Variants in TNK1 observed in about 807,000 individuals in gnomAD.
TNK1 encodes the protein non-receptor tyrosine-protein kinase TNK1.
A neutral mutation model predicts 65.2 loss-of-function variants in TNK1; 53 were observed. The observed-to-expected ratio is 0.81, with a 90% CI of 0.65 to 1.02. The LOEUF is 1.02. Ranked by LOEUF, TNK1 falls within the 50% of genes least tolerant of loss-of-function variation. The pLI, the probability that TNK1 is intolerant of heterozygous loss-of-function variation, is 0.00. For missense variants in TNK1, 837 were observed against 878.4 expected (o/e 0.95, Z 0.60); for synonymous variants, 353 against 364.6 (o/e 0.97, Z 0.36).
In TNK1 at chr17:7,383,213, C is replaced by T. The variant is rs745859668; in HGVS notation, c.164-37C>T. ...AGTCTCTCCGCACTCTTCCCCACACCCACCTCCACTCCAGCCCTGATTCTG... is the reference window on the plus strand; with the variant it reads ...AGTCTCTCCGCACTCTTCCCCACACTCACCTCCACTCCAGCCCTGATTCTG... On this transcript the variant is annotated intron_variant, in intron 2 of 12. Transcript: ENST00000688331. 6.8e-6 allele frequency: 11 copies of T among 1,613,676 alleles called. No individual in the cohort carries two copies. In the East Asian group the frequency reaches 2.0e-4, roughly 29 times the overall value.
chr17:7,384,779 TAC>T (rs1905088496), intron 7 of TNK1, 25 bp downstream of exon 7: 1 of 1,556,652 alleles, frequency 6.4e-7, no homozygotes, highest in African/African-American at 1.4e-5. Flanking sequence ...CCTCACCAGA[TAC>T]ACAGTCCCTC....
chr17:7,380,546 T>A (rs1904753526), upstream of TNK1: 1 of 152,268 alleles, frequency 6.6e-6, no homozygotes, highest in Non-Finnish European at 1.5e-5. Context: ...CAGCTTCAAC[T>A]GTAGACTCTG....
At chr17:7,386,780 A>G in intron 8 of TNK1, 125 bp downstream of exon 8, 1 of 1,087,760 alleles carries the variant, frequency 9.2e-7, no homozygotes, top group Non-Finnish European at 1.3e-6. Context: ...TCCTCTCCCC[A>G]CTGGGTCCTG....
Position 7,383,995 on chromosome 17 carries a change from C to A in TNK1, c.608C>A (p.Ser203Tyr). The A allele has an allele frequency of 6.7e-7, 1 of 1,496,612 alleles. No individual in the cohort carries two copies. 92.7% of individuals were successfully genotyped at this position (1,496,612 alleles called of 1,614,324 possible). A position where few individuals can be genotyped will look rare whatever the true frequency, so the allele number is the denominator to read the frequency against. The part of the protein sequence containing the change: ...QMVMELAPLG[S>Y]LHARLTAPAP... ...GTGATGGAGCTGGCGCCACTGGGCTCCCTGCACGCGCGCCTAACGGCCCCG... is the reference window on the plus strand; with the variant it reads ...GTGATGGAGCTGGCGCCACTGGGCTACCTGCACGCGCGCCTAACGGCCCCG... Residue 203 changes from serine to tyrosine, a missense_variant, in exon 6 of 13, where the codon TCC (serine) becomes TAC (tyrosine). Physicochemically the swap from Ser to Tyr is moderately radical, Grantham distance 144 (BLOSUM62 -2). Transcript: ENST00000688331.
At chr17:7,386,434 A>G in intron 7 of TNK1, 127 bp from the exon 8 acceptor site, 1 of 678,092 alleles carries the variant, frequency 1.5e-6, no homozygotes, top group Non-Finnish European at 2.6e-6. Flanking sequence ...ATGGGGGGAC[A>G]GGGAGAGTCC....
chr17:7,389,052 G>T lies in TNK1; in HGVS notation c.1954G>T (p.Ala652Ser). The change falls in exon 13 of 13, where the codon GCT (alanine) becomes TCT (serine). Residue 652 changes from alanine to serine, a missense_variant. Transcript: ENST00000688331. The part of the protein sequence containing the change: ...ILEHYQWDLS[A>S]ASRYVLARP Reference sequence around the variant, plus strand: ...GGAGCATTACCAGTGGGACCTCTCAGCTGCCAGCCGCTATGTCCTGGCCAG... The same window carrying T: ...GGAGCATTACCAGTGGGACCTCTCATCTGCCAGCCGCTATGTCCTGGCCAG... 6.4e-7 allele frequency: 1 copy of T among 1,553,794 alleles called. No individual in the cohort carries two copies. Among genetic ancestry groups the T allele is most frequent in the South Asian group, 1.2e-5 (1 of 84,250 alleles).
rs746164955 is a variant in TNK1, at chr17:7,383,510, T to A, written c.320T>A (p.Leu107His). 1.9e-6 allele frequency: 3 copies of A among 1,613,836 alleles called. No individual in the cohort carries two copies. The highest frequency in any genetic ancestry group is 2.5e-6 in the Non-Finnish European group (3 of 1,179,876). Residue 107 changes from leucine (L) to histidine (H), a missense_variant, in exon 4 of 13, where the codon CTC (leucine) becomes CAC (histidine). Physicochemically the swap from Leu to His is moderately conservative, Grantham distance 99. Coordinates refer to ENST00000688331, the MANE Select transcript of TNK1 (RefSeq NM_003985.6). The part of the protein sequence containing the change: ...PRHLPEPEGG[L>H]KCLIPEGAVC... ...CACCTCCCTGAGCCAGAGGGGGGCC[T>A]CAAGTGTCTGATCCCAGAGGGTGCT...
chr17:7,383,661 C>G, intron 4 of TNK1, 45 bp downstream of exon 4: 1 of 1,599,976 alleles, frequency 6.3e-7, no homozygotes, highest in East Asian at 2.2e-5. Context: ...GCTGCCCCCT[C>G]TGTTCTTCAT....
At position 7,382,005 on chromosome 17, in the gene TNK1, C is replaced by T. The variant is rs564589197; in HGVS notation, c.-91-831C>T. Among the ~76,000 whole-genome samples, 3 of 152,352 alleles carry T rather than the reference C, an allele frequency of 2.0e-5. No individual in the cohort carries two copies. In the South Asian group the frequency reaches 6.2e-4, roughly 32 times the overall value. ...TATATCGGCCGGGCGCAGTGGCTCA[C>T]GCCTGTAATCCCAGCACTTTGGGTG... On this transcript the variant is annotated intron_variant, in intron 1 of 12. Coordinates refer to ENST00000688331, the MANE Select transcript of TNK1 (RefSeq NM_003985.6). This position sits in a 1 kb window ranked among gnomAD's most constrained non-coding sequence, Gnocchi z 4.1.
In TNK1 at chr17:7,384,256, G is replaced by GA; in HGVS notation, c.866+4dup. 1 of 1,459,948 alleles carries GA rather than the reference G, an allele frequency of 6.8e-7. No homozygotes were observed. The highest frequency in any genetic ancestry group is 9.0e-7 in the Non-Finnish European group (1 of 1,113,664). 90.4% of individuals were successfully genotyped at this position (1,459,948 alleles called of 1,614,324 possible). A position where few individuals can be genotyped will look rare whatever the true frequency, so the allele number is the denominator to read the frequency against. ...CCCCGCCCTATCCCCTACGCCTGGT[G>GA]AGAGCGGGTCCGCGGGCGGTCGGGC... On this transcript the variant is annotated splice_donor_region_variant and intron_variant, in intron 6 of 12. Coordinates refer to ENST00000688331, the MANE Select transcript of TNK1 (RefSeq NM_003985.6).
chr17:7,385,380 A>G (rs1482017656), intron 7 of TNK1, among the ~76,000 whole-genome samples: 1 of 89,970 alleles, frequency 1.1e-5, no homozygotes, highest in East Asian at 5.5e-4. Context: ...AAAAAAAAAG[A>G]AGAAGAAGAA....
rs943721069 is a variant in TNK1, at chr17:7,382,459, C to CATGTCTCATGTTGGAGGAAGGGAG, written c.-91-347_-91-324dup. ...ATCTCCAGTGTGTGTGGTAGGCAAA[C>CATGTCTCATGTTGGAGGAAGGGAG]ATGTCTCATGTTGGAGGAAGGGAGA... is the stretch of plus-strand genomic sequence containing the variant. On this transcript the variant is annotated intron_variant, in intron 1 of 12. Coordinates refer to ENST00000688331, the MANE Select transcript of TNK1 (RefSeq NM_003985.6). This position sits in a 1 kb window ranked among gnomAD's most constrained non-coding sequence, Gnocchi z 4.1. 6.6e-6 allele frequency among the ~76,000 whole-genome samples: 1 copy of CATGTCTCATGTTGGAGGAAGGGAG among 152,010 alleles called. No individual in the cohort carries two copies. The highest frequency in any genetic ancestry group is 2.1e-4 in the South Asian group (1 of 4,810).
rs776320132 is a variant in TNK1 at position 7,383,466 on chromosome 17, G to C, written c.276G>C (p.Leu92=). ...GFAPEHKEPT[L]PSDSPRHLPE... ...CCCCTGAGCACAAGGAGCCCACCCT[G>C]CCCTCGGACAGCCCACGGCACCTCC... Residue 92 remains leucine, a synonymous_variant, in exon 4 of 13, where the codon CTG becomes CTC. Transcript: ENST00000688331. 2 of 1,613,884 alleles carry C rather than the reference G, an allele frequency of 1.2e-6. No homozygotes were observed. The highest frequency in any genetic ancestry group is 1.7e-5 in the Admixed American group (1 of 60,014).
At position 7,382,823 on chromosome 17, in the gene TNK1, T is replaced by G. The variant is rs536825259; in HGVS notation, c.-91-13T>G. On this transcript the variant is annotated splice_polypyrimidine_tract_variant and intron_variant, in intron 1 of 12. Transcript: ENST00000688331. This position sits in a 1 kb window ranked among gnomAD's most constrained non-coding sequence, Gnocchi z 4.1. ...CCCTGCCTCTGTACCTGAGTGTTTC[T>G]AATGACTTGCAGGTGGAGCTGGAGA... 7.8e-7 allele frequency: 1 copy of G among 1,286,784 alleles called. No homozygotes were observed. Among genetic ancestry groups the G allele is most frequent in the Non-Finnish European group, 1.1e-6 (1 of 927,030 alleles). The allele number at this position is 1,286,784 out of a possible 1,614,324, so 79.7% of individuals were successfully genotyped here. A position where few individuals can be genotyped will look rare whatever the true frequency, so the allele number is the denominator to read the frequency against.
At position 7,389,020 on chromosome 17, in the gene TNK1, G is replaced by A. The variant is rs373049680; in HGVS notation, c.1922G>A (p.Arg641His). 7.3e-5 allele frequency: 113 copies of A among 1,554,562 alleles called. No individual in the cohort carries two copies. The highest frequency in any genetic ancestry group is 9.1e-5 in the Non-Finnish European group (104 of 1,148,602). Residue 641 changes from arginine to histidine, a missense_variant, in exon 13 of 13, where the codon CGC (arginine) becomes CAC (histidine). Physicochemically the swap from Arg to His is conservative, Grantham distance 29. Transcript: ENST00000688331. ...AGCCGGTCCAGAGCTGACTGCTGGCGCATCCTGGAGCATTACCAGTGGGAC... is the reference window on the plus strand; with the variant it reads ...AGCCGGTCCAGAGCTGACTGCTGGCACATCCTGGAGCATTACCAGTGGGAC... ...LSSRSRADCW[R>H]ILEHYQWDLS...
At chr17:7,380,695 T>C (rs1007127329), upstream of TNK1, 1 of 152,258 alleles carries the variant, frequency 6.6e-6, no homozygotes, top group Admixed American at 6.5e-5. Context: ...TTTAGCCTTA[T>C]ATTCCCTGTG....
At chr17:7,381,340 T>A (rs1904801460) in intron 1 of TNK1, among the ~76,000 whole-genome samples, 1 of 152,174 alleles carries the variant, frequency 6.6e-6, no homozygotes, top group South Asian at 2.1e-4. Flanking sequence ...CCAACCCTGT[T>A]CGCGCCCGGT....
At chr17:7,381,751 A>C (rs979469696) in intron 1 of TNK1, among the ~76,000 whole-genome samples, 1 of 152,202 alleles carries the variant, frequency 6.6e-6, no homozygotes, top group African/African-American at 2.4e-5. Context: ...CTATGCCCCC[A>C]TAGCTCAGGT....
chr17:7,380,083 T>C (rs1233172897), upstream of TNK1, among the ~76,000 whole-genome samples: 7 of 151,960 alleles, frequency 4.6e-5, no homozygotes, highest in African/African-American at 1.7e-4. Context: ...GCTCACACTT[T>C]CCCTTACAGA....
Sources: gnomAD v4.1 joint callset for allele counts (sites outside exome capture counted in the v4.1 genomes callset) on GRCh38, gnomAD v4.1.1 for gene constraint, Gnocchi (gnomAD v3.1) non-coding constraint, MANE v1.5 for transcripts, NCBI Gene and HGNC (gene_info 2026-07-23, HGNC 2026-07-21) for gene names.